NAV3: variants seen among roughly 807,000 people sequenced by gnomAD.
NAV3 encodes pore membrane and/or filament interacting like protein 1.
NAV3 carries 87 observed loss-of-function variants against 244.7 expected under a neutral mutation model. The observed-to-expected ratio is 0.36, with a 90% CI of 0.30 to 0.42. NAV3 has a LOEUF of 0.42. Ranked by LOEUF, NAV3 falls within the 20% of genes least tolerant of loss-of-function variation. The probability of loss-of-function intolerance (pLI) is 1.00; values close to 1 mark genes in which losing one functional copy is unlikely to be tolerated. For synonymous variants in NAV3, 1,126 were observed against 1,042.2 expected, an observed-to-expected ratio of 1.08 and a Z score of -1.55; for missense variants, 2,663 against 2,893.3, an observed-to-expected ratio of 0.92 and a Z score of 1.83.
intron 39 of NAV3, among the ~76,000 whole-genome samples, chr12:78,208,544 T>C (rs1594059470): frequency 6.6e-6 from 1 of 152,150 alleles, no homozygotes; most frequent in Non-Finnish European, 1.5e-5. Context: ...TCTTGTAAAC[T>C]CCCTTGATTT....
chr12:78,133,193 A>G (rs1208667981), intron 18 of NAV3, among the ~76,000 whole-genome samples: 1 of 152,118 alleles, frequency 6.6e-6, no homozygotes, highest in Non-Finnish European at 1.5e-5. Flanking sequence ...TCCAGATCTT[A>G]GAAACACGTA....
chr12:78,074,291 G>A (rs533870339), intron 12 of NAV3, among the ~76,000 whole-genome samples: 4 of 152,300 alleles, frequency 2.6e-5, no homozygotes, highest in East Asian at 1.9e-4. Context: ...AAATAATATC[G>A]CAGATTATAA....
chr12:78,118,224 G>A lies in NAV3; in HGVS notation c.2967G>A (p.Trp989Ter), dbSNP rs1488980269. 1 of 1,613,764 alleles carries A rather than the reference G, an allele frequency of 6.2e-7. No individual in the cohort carries two copies. The highest frequency in any genetic ancestry group is 8.5e-7 in the Non-Finnish European group (1 of 1,179,906). Residue 989 changes from tryptophan to a stop codon, truncating the protein, a stop_gained, in exon 14 of 40, where the codon TGG (tryptophan) becomes TGA (stop). Transcript: ENST00000397909. LOFTEE classifies it high-confidence loss of function. ...ASLSVSQTGS[W>*]RRGMSAQGGA... ...TGTCTGTTTCACAGACAGGTTCCTG[G>A]AGAAGAGGCATGTCTGCCCAAGGAG...
At chr12:77,645,213 T>A (rs1393679340) in intron 2 of NAV3, among the ~76,000 whole-genome samples, 3 of 151,954 alleles carry the variant, frequency 2.0e-5, no homozygotes, top group Middle Eastern at 3.4e-3. Flanking sequence ...GTAGGAAGGG[T>A]TACAAAAGGT....
chr12:77,920,752 T>A (rs575465712), intron 1 of NAV3, among the ~76,000 whole-genome samples: 1 of 152,092 alleles, frequency 6.6e-6, no homozygotes, highest in East Asian at 1.9e-4. Context: ...GCAATGTTTG[T>A]TACAAAAAAG....
At chr12:78,158,315 A>T (rs932532864) in intron 22 of NAV3, among the ~76,000 whole-genome samples, 5 of 152,186 alleles carry the variant, frequency 3.3e-5, no homozygotes, top group Non-Finnish European at 7.3e-5. Flanking sequence ...GAGATAATGT[A>T]CTTGCAGTTC....
intron 2 of NAV3, among the ~76,000 whole-genome samples, chr12:77,811,618 T>G (rs570473215): frequency 6.6e-6 from 1 of 152,304 alleles, no homozygotes; most frequent in East Asian, 1.9e-4. Flanking sequence ...ACATAGTGAG[T>G]GTTTAATAAC....
At chr12:78,174,202 T>C (rs867982879) in intron 24 of NAV3, among the ~76,000 whole-genome samples, 1 of 151,834 alleles carries the variant, frequency 6.6e-6, no homozygotes, top group South Asian at 2.1e-4. Flanking sequence ...TCAGTAATAC[T>C]TAATACTAGT....
chr12:78,080,919 T>G (rs1027007935), intron 12 of NAV3, among the ~76,000 whole-genome samples: 5 of 152,182 alleles, frequency 3.3e-5, no homozygotes, highest in Non-Finnish European at 7.3e-5. Flanking sequence ...TAATAACAAG[T>G]AGGATAATTC....
At chr12:78,203,277 G>T (rs1365236497) in intron 38 of NAV3, among the ~76,000 whole-genome samples, 1 of 152,088 alleles carries the variant, frequency 6.6e-6, no homozygotes, top group African/African-American at 2.4e-5. Context: ...TAAAAACCTA[G>T]AATTAATTGA....
intron 2 of NAV3, among the ~76,000 whole-genome samples, chr12:77,600,713 A>G (rs1181086179): frequency 1.3e-5 from 2 of 151,976 alleles, no homozygotes; most frequent in Admixed American, 6.6e-5. Flanking sequence ...GAATAGAAAC[A>G]TGGTCAGAGA....
At chr12:78,008,697 T>A (rs1234914231) in intron 8 of NAV3, among the ~76,000 whole-genome samples, 1 of 152,124 alleles carries the variant, frequency 6.6e-6, no homozygotes, top group African/African-American at 2.4e-5. Flanking sequence ...TTTTCTGAGG[T>A]TTTTTATACA....
Position 78,177,200 on chromosome 12 carries a change from A to G in NAV3, c.5184A>G (p.Ser1728=). Residue 1728 remains serine (S), a synonymous_variant, in exon 27 of 40, where the codon TCA becomes TCG. Transcript: ENST00000397909. ...AAAAGTCCACCAAGCCTCCTTCATC[A>G]CATTCTGACATTGAAGAGCTTACTG... The part of the protein sequence containing the change: ...GKKKSTKPPS[S]HSDIEELTDS... 1 of 1,613,502 alleles carries G rather than the reference A, an allele frequency of 6.2e-7. No homozygotes were observed. Among genetic ancestry groups the G allele is most frequent in the South Asian group, 1.1e-5 (1 of 91,054 alleles).
At chr12:77,600,409 A>G (rs544650451) in intron 2 of NAV3, among the ~76,000 whole-genome samples, 1 of 151,880 alleles carries the variant, frequency 6.6e-6, no homozygotes, top group African/African-American at 2.4e-5. Flanking sequence ...CTTGACTGTA[A>G]CTTCTCTCCA....
At chr12:78,150,362 T>G (rs1957025983) in intron 22 of NAV3, among the ~76,000 whole-genome samples, 1 of 152,066 alleles carries the variant, frequency 6.6e-6, no homozygotes. Context: ...GTTGAGCTCA[T>G]CATATAATTC....
At position 78,175,430 on chromosome 12, in the gene NAV3, A is replaced by G; in HGVS notation, c.5103+3A>G. On this transcript the variant is annotated splice_donor_region_variant and intron_variant, in intron 25 of 39. Coordinates refer to ENST00000397909, the MANE Select transcript of NAV3 (RefSeq NM_001024383.2). ...AGAAGAAGAAAAAGAAAAACTGGGTAAGTTACCATCCTTCATCTAATTCAG... is the reference window on the plus strand; with the variant it reads ...AGAAGAAGAAAAAGAAAAACTGGGTGAGTTACCATCCTTCATCTAATTCAG... 1 of 1,608,180 alleles carries G rather than the reference A, an allele frequency of 6.2e-7. No homozygotes were observed. The highest frequency in any genetic ancestry group is 2.2e-5 in the East Asian group (1 of 44,652).
At chr12:78,037,868 T>C (rs1379220380) in intron 9 of NAV3, among the ~76,000 whole-genome samples, 1 of 152,180 alleles carries the variant, frequency 6.6e-6, no homozygotes, top group African/African-American at 2.4e-5. Context: ...GCTTCTTCTA[T>C]ACCTCAGTGA....
At chr12:77,852,433 G>C (rs1420117744) in intron 1 of NAV3, among the ~76,000 whole-genome samples, 1 of 152,074 alleles carries the variant, frequency 6.6e-6, no homozygotes, top group South Asian at 2.1e-4. Context: ...TACTTGAAAG[G>C]GAGGCTGAGG....
At chr12:77,834,352 A>G (rs1874250111) in intron 1 of NAV3, among the ~76,000 whole-genome samples, 1 of 152,228 alleles carries the variant, frequency 6.6e-6, no homozygotes, top group Non-Finnish European at 1.5e-5. Context: ...ATCAGTTAAA[A>G]TAAAATATTT....
Sources: gnomAD v4.1 joint callset for allele counts (sites outside exome capture counted in the v4.1 genomes callset) on GRCh38, gnomAD v4.1.1 for gene constraint, MANE v1.5 for transcripts, NCBI Gene and HGNC (gene_info 2026-07-23, HGNC 2026-07-21) for gene names.